KCNIP4: variants seen among roughly 807,000 people sequenced by gnomAD.
KCNIP4 encodes the protein Kv channel-interacting protein 4.
Under a neutral mutation model 34.0 loss-of-function variants are expected in KCNIP4, and 12 were observed. That is an observed-to-expected ratio of 0.35 (90% CI 0.23 to 0.57). The LOEUF (loss-of-function observed/expected upper bound fraction) is 0.57, where lower values mean the gene tolerates loss of function less well. Ranked by LOEUF, KCNIP4 falls within the 20% of genes least tolerant of loss-of-function variation. KCNIP4 has a pLI of 0.83. For synonymous variants in KCNIP4, 124 were observed against 102.2 expected, an observed-to-expected ratio of 1.21 and a Z score of -1.29; for missense variants, 238 against 311.7, an observed-to-expected ratio of 0.76 and a Z score of 1.78.
intron 1 of KCNIP4, among the ~76,000 whole-genome samples, chr4:21,936,086 A>T (rs1729848533): frequency 6.6e-6 from 1 of 151,998 alleles, no homozygotes; most frequent in Non-Finnish European, 1.5e-5. Flanking sequence ...GAAGTATATA[A>T]AAACTATGAA....
chr4:21,224,328 AAG>A (rs1282686255), intron 1 of KCNIP4, among the ~76,000 whole-genome samples: 1 of 151,920 alleles, frequency 6.6e-6, no homozygotes, highest in African/African-American at 2.4e-5. Context: ...TGCAGAGAGG[AAG>A]AGAGAGCAAT....
intron 1 of KCNIP4, among the ~76,000 whole-genome samples, chr4:21,291,197 G>C (rs540018606): frequency 9.9e-5 from 15 of 152,202 alleles, no homozygotes; most frequent in African/African-American, 3.4e-4. Flanking sequence ...TCATCTCCCA[G>C]AAAATCTTCA....
At chr4:21,892,274 A>C (rs1252042396) in intron 1 of KCNIP4, among the ~76,000 whole-genome samples, 1 of 151,994 alleles carries the variant, frequency 6.6e-6, no homozygotes, top group Admixed American at 6.6e-5. Flanking sequence ...TCAACAAACA[A>C]GGTCTACATG....
intron 4 of KCNIP4, among the ~76,000 whole-genome samples, chr4:20,757,760 G>A (rs1240003461): frequency 6.6e-6 from 1 of 152,136 alleles, no homozygotes; most frequent in African/African-American, 2.4e-5. Flanking sequence ...TAGTTTCCAC[G>A]TGTGTATCTT....
chr4:21,364,542 T>C (rs968052343), intron 1 of KCNIP4, among the ~76,000 whole-genome samples: 5 of 152,138 alleles, frequency 3.3e-5, no homozygotes, highest in Non-Finnish European at 4.4e-5. Flanking sequence ...CGGTTAAAGA[T>C]GGAAGGACCT....
At chr4:20,878,918 T>C (rs1385573341) in intron 2 of KCNIP4, among the ~76,000 whole-genome samples, 1 of 152,134 alleles carries the variant, frequency 6.6e-6, no homozygotes, top group Admixed American at 6.5e-5. Flanking sequence ...GAGAGAACAC[T>C]GACCAGAGTT....
intron 1 of KCNIP4, among the ~76,000 whole-genome samples, chr4:20,998,412 A>G (rs1737764214): frequency 6.6e-6 from 1 of 152,240 alleles, no homozygotes; most frequent in Non-Finnish European, 1.5e-5. Context: ...CAGGGGTGGA[A>G]TATAAAAGAT....
chr4:21,314,247 C>T (rs1713491085), intron 1 of KCNIP4, among the ~76,000 whole-genome samples: 2 of 152,244 alleles, frequency 1.3e-5, no homozygotes, highest in South Asian at 2.1e-4. Context: ...AGGGCTTGGC[C>T]GATTAGGTCA....
chr4:20,961,297 A>G (rs1407468526), intron 1 of KCNIP4, among the ~76,000 whole-genome samples: 1 of 152,224 alleles, frequency 6.6e-6, no homozygotes, highest in Non-Finnish European at 1.5e-5. Flanking sequence ...AATAAAGAAA[A>G]CATCCTGAAT....
In KCNIP4 at chr4:21,778,224, C is replaced by CTTTTTTTTTTT. The variant is rs757351209; in HGVS notation, c.61+170336_61+170346dup. On this transcript the variant is annotated intron_variant, in intron 1 of 8. Transcript: ENST00000382152. ...TTATTTGTTTCTTTTTCCTTTTTTC[C>CTTTTTTTTTTT]TTTTTTTTTTTCTTTTTTTTTTTTT... is the stretch of plus-strand genomic sequence containing the variant. 6.8e-5 allele frequency among the ~76,000 whole-genome samples: 7 copies of CTTTTTTTTTTT among 102,390 alleles called. 1 individual carries two copies. Among genetic ancestry groups the CTTTTTTTTTTT allele is most frequent in the African/African-American group, 1.4e-4 (3 of 21,736 alleles). The allele number at this position is 102,390 out of a possible 152,430, so 67.2% of individuals were successfully genotyped here.
chr4:21,304,995 C>T (rs960004195), intron 1 of KCNIP4, among the ~76,000 whole-genome samples: 3 of 151,624 alleles, frequency 2.0e-5, no homozygotes, highest in Admixed American at 2.0e-4. Flanking sequence ...TGAAAAAAAG[C>T]GGAAGTTTTT....
In KCNIP4 at chr4:21,217,768, C is replaced by T. The variant is rs540478157; in HGVS notation, c.62-335059G>A. On this transcript the variant is annotated intron_variant, in intron 1 of 8. Transcript: ENST00000382152. ...GGAATTAACAGAAGGAAAATGACAA[C>T]CCTGTTTGGAGAAACTTTGATTTAT... Among the ~76,000 whole-genome samples the T allele has an allele frequency of 3.7e-4, 56 of 152,162 alleles. No homozygotes were observed. In the South Asian group the frequency reaches 0.011, roughly 30 times the overall value.
intron 1 of KCNIP4, among the ~76,000 whole-genome samples, chr4:20,920,883 G>A (rs1386887113): frequency 1.3e-5 from 2 of 152,082 alleles, no homozygotes; most frequent in Admixed American, 1.3e-4. Context: ...CAGCTACTCG[G>A]GAGGCTGAGG....
chr4:21,076,836 T>C (rs1745531344), intron 1 of KCNIP4, among the ~76,000 whole-genome samples: 1 of 152,062 alleles, frequency 6.6e-6, no homozygotes, highest in Non-Finnish European at 1.5e-5. Flanking sequence ...AAAAGAAGTG[T>C]TGGGGGCTGG....
chr4:21,690,273 T>C (rs1751170292), intron 1 of KCNIP4, among the ~76,000 whole-genome samples: 1 of 151,858 alleles, frequency 6.6e-6, no homozygotes, highest in Non-Finnish European at 1.5e-5. Flanking sequence ...TGTATCCCAA[T>C]ACTGGAAAAA....
intron 1 of KCNIP4, among the ~76,000 whole-genome samples, chr4:21,343,419 C>T (rs1156485442): frequency 6.6e-6 from 1 of 152,100 alleles, no homozygotes; most frequent in African/African-American, 2.4e-5. Context: ...CTATGTCAAC[C>T]TCTACCTTTG....
chr4:21,261,370 C>T (rs1238571010), intron 1 of KCNIP4, among the ~76,000 whole-genome samples: 4 of 152,140 alleles, frequency 2.6e-5, no homozygotes, highest in African/African-American at 9.7e-5. Flanking sequence ...GCTTACACAT[C>T]ATACAGAGTA....
chr4:21,218,990 A>T (rs73802505), intron 1 of KCNIP4, among the ~76,000 whole-genome samples: 2,919 of 152,262 alleles, frequency 0.019, 86 homozygotes, highest in African/African-American at 0.065. Context: ...AATATTATAA[A>T]TTCGTAAATT....
chr4:21,313,446 G>A (rs757117460), intron 1 of KCNIP4, among the ~76,000 whole-genome samples: 1 of 152,106 alleles, frequency 6.6e-6, no homozygotes, highest in Non-Finnish European at 1.5e-5. Flanking sequence ...ATGTTTATAT[G>A]CTGTAGTTTA....
Sources: gnomAD v4.1 joint callset for allele counts (sites outside exome capture counted in the v4.1 genomes callset) on GRCh38, gnomAD v4.1.1 for gene constraint, MANE v1.5 for transcripts, NCBI Gene and HGNC (gene_info 2026-07-23, HGNC 2026-07-21) for gene names.